Variants in DHRS7B observed in about 807,000 individuals in gnomAD.
DHRS7B encodes dehydrogenase/reductase 7B.
Under a neutral mutation model 26.4 loss-of-function variants are expected in DHRS7B, and 24 were observed. The ratio of observed to expected loss-of-function variants is 0.91; its 90% CI spans 0.66 to 1.28. DHRS7B has a LOEUF of 1.28. DHRS7B is among the 50% of genes most tolerant of loss of function. DHRS7B has a pLI of 0.00. For synonymous variants in DHRS7B, 142 were observed against 166.4 expected (o/e 0.85, Z 1.13); for missense variants, 368 against 419.4 (o/e 0.88, Z 1.07).
intron 1 of DHRS7B, among the ~76,000 whole-genome samples, chr17:21,134,283 A>G (rs1567614895): frequency 6.6e-6 from 1 of 152,210 alleles, no homozygotes; most frequent in Non-Finnish European, 1.5e-5. Context: ...TGCAGCAAGA[A>G]TAATTTTTTT....
Position 21,178,339 on chromosome 17 carries a change from C to T in DHRS7B, c.306C>T (p.Thr102=). The T allele has an allele frequency of 6.2e-7, 1 of 1,613,386 alleles. No homozygotes were observed. Among genetic ancestry groups the T allele is most frequent in the Non-Finnish European group, 8.5e-7 (1 of 1,179,644 alleles). ...GAGAACTCACCGCTTCTCATGCCAC[C>T]AAGGTGAGCCAGGGGCGTGCTTTCC... ...LIRELTASHA[T]KVQTHKPYLV... Residue 102 remains threonine, a synonymous_variant, in exon 3 of 7, where the codon ACC becomes ACT. Coordinates refer to ENST00000395511, the MANE Select transcript of DHRS7B (RefSeq NM_015510.5).
chr17:21,163,297 G>A (rs1974041168), intron 1 of DHRS7B, among the ~76,000 whole-genome samples: 1 of 152,122 alleles, frequency 6.6e-6, no homozygotes, highest in Non-Finnish European at 1.5e-5. Flanking sequence ...ACACTAGGGG[G>A]ACATTTACTT....
At chr17:21,139,490 G>C (rs1238428628) in intron 1 of DHRS7B, among the ~76,000 whole-genome samples, 1 of 151,968 alleles carries the variant, frequency 6.6e-6, no homozygotes, top group Non-Finnish European at 1.5e-5. Context: ...CCTGACCAAT[G>C]TGGTGAAACC....
intron 1 of DHRS7B, among the ~76,000 whole-genome samples, chr17:21,159,010 C>T (rs993547667): frequency 2.0e-5 from 3 of 150,030 alleles, no homozygotes; most frequent in Non-Finnish European, 3.0e-5. Flanking sequence ...CAAAAGTTAA[C>T]TCAAAATGGA....
Position 21,184,452 on chromosome 17 carries a change from T to A in DHRS7B, c.608T>A (p.Phe203Tyr), listed in dbSNP as rs1217908545. The A allele has an allele frequency of 6.2e-7, 1 of 1,614,152 alleles. No homozygotes were observed. The highest frequency in any genetic ancestry group is 1.7e-5 in the Admixed American group (1 of 59,996). The change falls in exon 5 of 7, where the codon TTT (phenylalanine) becomes TAT (tyrosine). Residue 203 changes from phenylalanine to tyrosine, a missense_variant. Phe to Tyr is a conservative substitution (Grantham distance 22). Transcript: ENST00000395511. ...SSIQGKMSIP[F>Y]RSAYAASKHA... Reference sequence around the variant, plus strand: ...ATCCAGGGCAAGATGAGCATTCCTTTTCGATCAGCATGTGAGTACTTCTCT... The same window carrying A: ...ATCCAGGGCAAGATGAGCATTCCTTATCGATCAGCATGTGAGTACTTCTCT...
chr17:21,190,558 C>A (rs1974753124), intron 6 of DHRS7B, among the ~76,000 whole-genome samples: 1 of 152,204 alleles, frequency 6.6e-6, no homozygotes, highest in Admixed American at 6.5e-5. Flanking sequence ...ACACGTTTCC[C>A]AGGTCAGGAA....
chr17:21,151,851 A>C (rs1165856560), intron 1 of DHRS7B, among the ~76,000 whole-genome samples: 1 of 152,198 alleles, frequency 6.6e-6, no homozygotes, highest in Non-Finnish European at 1.5e-5. Context: ...GTATGGTGGA[A>C]GGTGATTGGA....
chr17:21,129,704 C>CAAAAAAAAAAAAAAAA (rs61077377), intron 1 of DHRS7B, among the ~76,000 whole-genome samples: 3 of 74,772 alleles, frequency 4.0e-5, no homozygotes, highest in Admixed American at 1.7e-4. Flanking sequence ...GACCCTGACT[C>CAAAAAAAAAAAAAAAA]AAAAAAAAAA....
intron 1 of DHRS7B, chr17:21,168,786 C>T (rs1193868890): frequency 1.0e-6 from 1 of 985,484 alleles, no homozygotes; most frequent in Non-Finnish European, 1.2e-6. Context: ...TCCCATTCAC[C>T]CGGCGCCATG....
At chr17:21,186,985 A>G (rs1334298175) in intron 5 of DHRS7B, among the ~76,000 whole-genome samples, 1 of 152,084 alleles carries the variant, frequency 6.6e-6, no homozygotes, top group Non-Finnish European at 1.5e-5. Context: ...AGCCACAGCT[A>G]CATGGCAGGT....
intron 1 of DHRS7B, 155 bp from the exon 2 acceptor site, chr17:21,171,863 C>A (rs143183212): frequency 1.9e-4 from 171 of 904,346 alleles, no homozygotes; most frequent in African/African-American, 1.7e-3. Flanking sequence ...AACAGTCGGC[C>A]GAGGGTGCAG....
chr17:21,171,839 GT>G (rs1974254192), intron 1 of DHRS7B, 178 bp from the exon 2 acceptor site: 1 of 774,072 alleles, frequency 1.3e-6, no homozygotes, highest in Admixed American at 2.0e-5. Context: ...GAGGAAGAAA[GT>G]TCTACAATGC....
Position 21,188,887 on chromosome 17 carries a change from C to T in DHRS7B, c.772+24C>T, listed in dbSNP as rs1193024944. ...AGGTGAGGCCCGGTTTCTCTTTTCT[C>T]CTATGAAAATCTGTCGGTCAGCCAC... is the stretch of plus-strand genomic sequence containing the variant. On this transcript the variant is annotated intron_variant, in intron 6 of 6. Coordinates refer to ENST00000395511, the MANE Select transcript of DHRS7B (RefSeq NM_015510.5). The T allele has an allele frequency of 5.0e-6, 8 of 1,614,050 alleles. No homozygotes were observed. In the Admixed American group the frequency reaches 1.0e-4, roughly 20 times the overall value.
rs1455467023 is a variant in DHRS7B at position 21,191,239 on chromosome 17, T to G, written c.*86T>G. ...AGGGACAGTTGCATTTGTTGAGACT[T>G]TAATGGAGATTTGTCTCACAAGTGG... On this transcript the variant is annotated 3_prime_UTR_variant, in exon 7 of 7. Transcript: ENST00000395511. 7.4e-7 allele frequency: 1 copy of G among 1,350,268 alleles called. No individual in the cohort carries two copies. Among genetic ancestry groups the G allele is most frequent in the African/African-American group, 1.4e-5 (1 of 69,026 alleles). 83.6% of individuals were successfully genotyped at this position (1,350,268 alleles called of 1,614,324 possible). A position where few individuals can be genotyped will look rare whatever the true frequency, so the allele number is the denominator to read the frequency against.
Position 21,190,806 on chromosome 17 carries a change from C to T in DHRS7B, c.773-142C>T, listed in dbSNP as rs998779618. 5.3e-5 allele frequency: 42 copies of T among 788,576 alleles called. 1 individual carries two copies. In the South Asian group the frequency reaches 6.8e-4, roughly 13 times the overall value. The allele number at this position is 788,576 out of a possible 1,614,324, so 48.8% of individuals were successfully genotyped here. A position where few individuals can be genotyped will look rare whatever the true frequency, so the allele number is the denominator to read the frequency against. On this transcript the variant is annotated intron_variant, in intron 6 of 6. Coordinates refer to ENST00000395511, the MANE Select transcript of DHRS7B (RefSeq NM_015510.5). ...AGCATGGAATCATCAGGGATGGTGG[C>T]ACACCACTGGCTTCCTGGCCCTGGG...
intron 1 of DHRS7B, among the ~76,000 whole-genome samples, chr17:21,137,460 A>ATTT (rs996135932): frequency 8.3e-5 from 11 of 132,854 alleles, no homozygotes; most frequent in African/African-American, 1.9e-4. Context: ...CGCCTGGCTA[A>ATTT]TTTTTTTTTT....
chr17:21,158,155 T>C (rs1330225764), intron 1 of DHRS7B, among the ~76,000 whole-genome samples: 1 of 152,108 alleles, frequency 6.6e-6, no homozygotes, highest in East Asian at 1.9e-4. Flanking sequence ...GGTGAAGAAC[T>C]CAGCTTGCCC....
intron 1 of DHRS7B, among the ~76,000 whole-genome samples, chr17:21,164,030 C>CTCTTTTTTTTTTT (rs1974055135): frequency 1.0e-5 from 1 of 96,976 alleles, no homozygotes. Context: ...AATTGTTGTG[C>CTCTTTTTTTTTTT]TTTTTTTTTT....
rs751196487 is a variant in DHRS7B, at chr17:21,126,983, G to T, written c.12G>T (p.Pro4=). Residue 4 remains proline (P), a synonymous_variant, in exon 1 of 7, where the codon CCG becomes CCT. Transcript: ENST00000395511. ...GAAGTTGATTGACTATGGTCTCTCC[G>T]GCTACCAGGTAGGGGCTGGGGAAGA... The part of the protein sequence containing the change: MVS[P]ATRKSLPKVK... The T allele has an allele frequency of 5.9e-6, 9 of 1,533,550 alleles. No homozygotes were observed. The Admixed American group carries it at 8.4e-5, about 14-fold the overall frequency. 95.0% of individuals were successfully genotyped at this position (1,533,550 alleles called of 1,614,324 possible). A position where few individuals can be genotyped will look rare whatever the true frequency, so the allele number is the denominator to read the frequency against.
Sources: allele counts gnomAD v4.1 joint callset (sites outside exome capture counted in the v4.1 genomes callset), GRCh38; gene constraint gnomAD v4.1.1; transcripts MANE v1.5; gene names NCBI Gene and HGNC (gene_info 2026-07-23, HGNC 2026-07-21).